The following HORMAD2 variants were observed in gnomAD, a reference collection of about 807,000 sequenced individuals.
HORMAD2 encodes HORMA domain-containing protein 2.
In HORMAD2, 45 loss-of-function variants were observed where a neutral mutation model predicts 38.8. The observed-to-expected ratio is 1.16, with a 90% CI of 0.91 to 1.49. HORMAD2 has a LOEUF of 1.49. HORMAD2 is among the 40% of genes most tolerant of loss of function. The pLI is 0.00. For missense variants in HORMAD2, 338 were observed against 367.0 expected, an observed-to-expected ratio of 0.92 and a Z score of 0.65; for synonymous variants, 126 against 122.8, an observed-to-expected ratio of 1.03 and a Z score of -0.17.
At chr22:30,160,302 T>G (rs551552543) in intron 10 of HORMAD2, among the ~76,000 whole-genome samples, 97 of 151,940 alleles carry the variant, frequency 6.4e-4, no homozygotes, top group Non-Finnish European at 1.2e-3. Context: ...AGGAGGAAAA[T>G]ATGTATTCTC....
intron 4 of HORMAD2, among the ~76,000 whole-genome samples, chr22:30,104,066 A>C (rs1390205184): frequency 6.6e-6 from 1 of 152,176 alleles, no homozygotes; most frequent in Admixed American, 6.6e-5. Context: ...TGACTTGTAT[A>C]AAAATAAAAA....
chr22:30,100,530 G>A (rs1920935544), intron 3 of HORMAD2, among the ~76,000 whole-genome samples: 1 of 152,150 alleles, frequency 6.6e-6, no homozygotes, highest in Admixed American at 6.6e-5. Flanking sequence ...CATGGGCAAA[G>A]ACTTCATGAC....
chr22:30,124,753 A>G (rs1922714476), intron 10 of HORMAD2, among the ~76,000 whole-genome samples: 1 of 152,192 alleles, frequency 6.6e-6, no homozygotes. Flanking sequence ...ATTCATGTAC[A>G]TACCTCCTGG....
At chr22:30,108,863 A>C (rs559106283) in intron 5 of HORMAD2, among the ~76,000 whole-genome samples, 22 of 152,124 alleles carry the variant, frequency 1.4e-4, no homozygotes, top group Non-Finnish European at 2.6e-4. Flanking sequence ...TAGTCCTTTG[A>C]TATGAAATTA....
chr22:30,160,825 G>A (rs1038128108), intron 10 of HORMAD2, among the ~76,000 whole-genome samples: 3 of 152,168 alleles, frequency 2.0e-5, no homozygotes, highest in African/African-American at 7.2e-5. Context: ...GCTAGATCAG[G>A]AAGAGGAGAG....
downstream of HORMAD2, among the ~76,000 whole-genome samples, chr22:30,177,535 G>A (rs1426412474): frequency 6.6e-6 from 1 of 152,146 alleles, no homozygotes; most frequent in Non-Finnish European, 1.5e-5. Flanking sequence ...AAAGAAGGAG[G>A]GGAAAGGTAT....
intron 1 of HORMAD2, among the ~76,000 whole-genome samples, chr22:30,093,621 T>C (rs1601507154): frequency 6.6e-6 from 1 of 152,264 alleles, no homozygotes; most frequent in East Asian, 1.9e-4. Flanking sequence ...ATTTTAATTA[T>C]ATAGTTCTCC....
the HORMAD2 span, among the ~76,000 whole-genome samples, chr22:30,189,072 AT>A: frequency 1.3e-5 from 2 of 151,784 alleles, no homozygotes; most frequent in South Asian, 4.2e-4. Context: ...AGCTGTGATC[AT>A]GCCTGAGTGA....
At chr22:30,153,663 A>G (rs977126308) in intron 10 of HORMAD2, among the ~76,000 whole-genome samples, 22 of 152,084 alleles carry the variant, frequency 1.4e-4, no homozygotes, top group Non-Finnish European at 2.2e-4. Context: ...ACCCACTTTA[A>G]TCAAGCTTTT....
intron 10 of HORMAD2, among the ~76,000 whole-genome samples, chr22:30,129,088 G>A (rs2146146655): frequency 6.6e-6 from 1 of 151,578 alleles, no homozygotes; most frequent in South Asian, 2.1e-4. Context: ...CGTGGTGGTG[G>A]GCACCTGTAG....
intron 10 of HORMAD2, 66 bp from the exon 11 acceptor site, chr22:30,175,995 CTT>C: frequency 9.9e-7 from 1 of 1,012,370 alleles, no homozygotes; most frequent in South Asian, 1.3e-5. Flanking sequence ...GTCTACCTGT[CTT>C]ATATATGTCT....
chr22:30,079,963 G>A (rs2068438009), upstream of HORMAD2, among the ~76,000 whole-genome samples: 1 of 151,572 alleles, frequency 6.6e-6, no homozygotes, highest in Admixed American at 6.6e-5. Context: ...CCCAGGTGGA[G>A]CCACCGCGCC....
chr22:30,086,052 G>A (rs1324494882), intron 1 of HORMAD2, among the ~76,000 whole-genome samples: 1 of 152,194 alleles, frequency 6.6e-6, no homozygotes, highest in Non-Finnish European at 1.5e-5. Flanking sequence ...CCTGGTGGGG[G>A]TTGACTGGAT....
At chr22:30,167,244 A>G (rs1184732490) in intron 10 of HORMAD2, among the ~76,000 whole-genome samples, 1 of 152,224 alleles carries the variant, frequency 6.6e-6, no homozygotes, top group Admixed American at 6.5e-5. Flanking sequence ...ATCTGATTAC[A>G]TTTAGGGTCC....
intron 1 of HORMAD2, among the ~76,000 whole-genome samples, chr22:30,082,275 G>A (rs1017207247): frequency 2.0e-5 from 3 of 152,110 alleles, no homozygotes; most frequent in Admixed American, 6.5e-5. Flanking sequence ...TGTAAAAAAC[G>A]GTTTTTGAAG....
chr22:30,146,402 G>A (rs528560583), intron 10 of HORMAD2, among the ~76,000 whole-genome samples: 20 of 152,256 alleles, frequency 1.3e-4, no homozygotes, highest in African/African-American at 2.2e-4. Flanking sequence ...GGCTGAGGCC[G>A]GGGAATCACT....
At chr22:30,177,989 C>CT (rs1926553957), downstream of HORMAD2, among the ~76,000 whole-genome samples, 1 of 152,060 alleles carries the variant, frequency 6.6e-6, no homozygotes, top group Non-Finnish European at 1.5e-5. Flanking sequence ...CCAGGAGGAG[C>CT]TTTTTAACTC....
At chr22:30,093,831 C>CT (rs2068734278) in intron 1 of HORMAD2, 85 bp from the exon 2 acceptor site, 1 of 613,120 alleles carries the variant, frequency 1.6e-6, no homozygotes, top group Non-Finnish European at 2.7e-6. Flanking sequence ...TGCTTTTAGA[C>CT]TTTTTCAGTT....
chr22:30,111,933 T>C (rs1921696662), intron 6 of HORMAD2, 117 bp downstream of exon 6: 1 of 692,166 alleles, frequency 1.4e-6, no homozygotes. Context: ...TTTTAATCTG[T>C]CTTGGAATTA....
Sources: allele counts gnomAD v4.1 joint callset (sites outside exome capture counted in the v4.1 genomes callset), GRCh38; gene constraint gnomAD v4.1.1; transcripts MANE v1.5; gene names NCBI Gene and HGNC (gene_info 2026-07-23, HGNC 2026-07-21).